EYA2: variants seen among roughly 807,000 people sequenced by gnomAD.
The protein encoded by EYA2 is protein phosphatase EYA2.
A neutral mutation model predicts 69.2 loss-of-function variants in EYA2; 31 were observed. The ratio of observed to expected loss-of-function variants is 0.45; its 90% CI spans 0.34 to 0.60. The LOEUF (loss-of-function observed/expected upper bound fraction) is 0.60. Ranked by LOEUF, EYA2 falls within the 20% of genes least tolerant of loss-of-function variation. The probability of loss-of-function intolerance (pLI) is 0.02; values close to 1 mark genes in which losing one functional copy is unlikely to be tolerated. For synonymous variants in EYA2, 257 were observed against 279.4 expected (o/e 0.92, Z 0.80); for missense variants, 622 against 701.2 (o/e 0.89, Z 1.28).
At chr20:46,943,124 C>T (rs551993673) in intron 1 of EYA2, among the ~76,000 whole-genome samples, 7 of 152,280 alleles carry the variant, frequency 4.6e-5, no homozygotes, top group African/African-American at 1.7e-4. Context: ...ACTCTGCCCC[C>T]GAGGGGACAT....
chr20:47,163,296 G>T (rs1171158326), intron 10 of EYA2, among the ~76,000 whole-genome samples: 1 of 152,138 alleles, frequency 6.6e-6, no homozygotes, highest in Non-Finnish European at 1.5e-5. Context: ...CTCCCAAAGT[G>T]CTGGGATTAC....
intron 3 of EYA2, 70 bp downstream of exon 3, chr20:47,001,543 G>T: frequency 6.7e-7 from 1 of 1,501,060 alleles, no homozygotes; most frequent in Non-Finnish European, 9.3e-7. Flanking sequence ...TAGAGGTTAA[G>T]AGAGAGGGCC....
At position 47,089,223 on chromosome 20, in the gene EYA2, C is replaced by T. The variant is rs764270918; in HGVS notation, c.662-16C>T. On this transcript the variant is annotated splice_polypyrimidine_tract_variant and intron_variant, in intron 7 of 15. Coordinates refer to ENST00000327619, the MANE Select transcript of EYA2 (RefSeq NM_005244.5). ...CAAAGCTTCTGATTTGTCCACCATT[C>T]CCTTTCTTACGCCAGGTGAATACAA... 1 of 1,612,574 alleles carries T rather than the reference C, an allele frequency of 6.2e-7. No homozygotes were observed. The highest frequency in any genetic ancestry group is 1.1e-5 in the South Asian group (1 of 90,916).
At chr20:47,126,552 T>A (rs1037288239) in intron 9 of EYA2, among the ~76,000 whole-genome samples, 1 of 152,142 alleles carries the variant, frequency 6.6e-6, no homozygotes, top group African/African-American at 2.4e-5. Flanking sequence ...CACCTCCCAC[T>A]CAGCTGGCGG....
chr20:47,015,617 T>C (rs1257623707), intron 4 of EYA2, among the ~76,000 whole-genome samples: 2 of 152,060 alleles, frequency 1.3e-5, no homozygotes, highest in Non-Finnish European at 2.9e-5. Context: ...CACGGTGGCA[T>C]GTACAAAATA....
intron 2 of EYA2, among the ~76,000 whole-genome samples, chr20:47,000,929 G>A (rs1344329262): frequency 1.3e-5 from 2 of 152,142 alleles, no homozygotes; most frequent in Non-Finnish European, 2.9e-5. Flanking sequence ...TAGAAGAAGG[G>A]AAATGGAGGT....
intron 9 of EYA2, among the ~76,000 whole-genome samples, chr20:47,103,739 A>G (rs530635731): frequency 1.4e-5 from 2 of 147,166 alleles, no homozygotes; most frequent in East Asian, 2.2e-4. Context: ...TTCCTCCACC[A>G]ACACAAGGGG....
rs913627503 is a variant in EYA2, at chr20:47,089,395, G to A, written c.804+14G>A. 2 of 1,607,388 alleles carry A rather than the reference G, an allele frequency of 1.2e-6. No individual in the cohort carries two copies. The highest frequency in any genetic ancestry group is 2.7e-5 in the African/African-American group (2 of 74,662). On this transcript the variant is annotated intron_variant, in intron 8 of 15. Coordinates refer to ENST00000327619, the MANE Select transcript of EYA2 (RefSeq NM_005244.5). ...AATGAGATTGAGGTAATCCAAAGGG[G>A]CTCTGTGTGACCTGGTGAATGTAAT...
At chr20:46,914,205 G>A (rs1290906547) in intron 1 of EYA2, among the ~76,000 whole-genome samples, 4 of 152,154 alleles carry the variant, frequency 2.6e-5, no homozygotes, top group Non-Finnish European at 5.9e-5. Flanking sequence ...ATTTTTCCCT[G>A]ACAAATTTGT....
chr20:47,134,455 T>C (rs1037083082), intron 9 of EYA2, among the ~76,000 whole-genome samples: 1 of 152,352 alleles, frequency 6.6e-6, no homozygotes. Context: ...CTAACATTTA[T>C]TCAGACCTTG....
chr20:47,025,677 AT>A (rs920596479), intron 5 of EYA2, among the ~76,000 whole-genome samples: 1 of 152,300 alleles, frequency 6.6e-6, no homozygotes, highest in African/African-American at 2.4e-5. Context: ...TGAAGGGCAA[AT>A]TTCCAAAAAG....
At chr20:46,920,293 C>T (rs748835966) in intron 1 of EYA2, among the ~76,000 whole-genome samples, 6 of 151,720 alleles carry the variant, frequency 4.0e-5, no homozygotes, top group Admixed American at 6.6e-5. Context: ...CGAGGTCTTC[C>T]TGTATTTGCT....
chr20:46,975,662 C>A (rs1336879749), intron 1 of EYA2, among the ~76,000 whole-genome samples: 1 of 152,198 alleles, frequency 6.6e-6, no homozygotes, highest in Non-Finnish European at 1.5e-5. Context: ...TGCCTGTAAT[C>A]CTAGCACTTT....
intron 7 of EYA2, among the ~76,000 whole-genome samples, chr20:47,078,149 A>G (rs1568763473): frequency 6.6e-6 from 1 of 152,050 alleles, no homozygotes; most frequent in Non-Finnish European, 1.5e-5. Context: ...TTATCCCTTG[A>G]TCAAAGGTTC....
chr20:46,988,724 CAG>C (rs1481655551), intron 1 of EYA2, among the ~76,000 whole-genome samples: 1 of 152,120 alleles, frequency 6.6e-6, no homozygotes, highest in Non-Finnish European at 1.5e-5. Context: ...TATTTTGAGA[CAG>C]GGTCTCACTC....
At chr20:46,953,485 C>T (rs1051925776) in intron 1 of EYA2, among the ~76,000 whole-genome samples, 2 of 152,154 alleles carry the variant, frequency 1.3e-5, no homozygotes, top group Non-Finnish European at 2.9e-5. Flanking sequence ...TAGAATGAGC[C>T]GGGTTGGAAG....
intron 4 of EYA2, among the ~76,000 whole-genome samples, chr20:47,014,602 AAGAT>A (rs1318091039): frequency 6.7e-6 from 1 of 149,682 alleles, no homozygotes; most frequent in African/African-American, 2.5e-5. Flanking sequence ...ATTTACCTAA[AAGAT>A]AGACTTGCAC....
chr20:47,112,862 C>CTTTTTTTTT (rs11473217), intron 9 of EYA2, among the ~76,000 whole-genome samples: 4,541 of 55,776 alleles, frequency 0.081, 1,193 homozygotes, highest in Non-Finnish European at 0.13. Context: ...ATGTTCACTC[C>CTTTTTTTTT]TTTTTTTTTT....
intron 1 of EYA2, among the ~76,000 whole-genome samples, chr20:46,943,180 C>T (rs1443712188): frequency 6.6e-6 from 1 of 152,184 alleles, no homozygotes; most frequent in Non-Finnish European, 1.5e-5. Flanking sequence ...AGAGGGGAGG[C>T]GTGCTGCGGG....
Sources: allele counts gnomAD v4.1 joint callset (sites outside exome capture counted in the v4.1 genomes callset), GRCh38; gene constraint gnomAD v4.1.1; transcripts MANE v1.5; gene names NCBI Gene and HGNC (gene_info 2026-07-23, HGNC 2026-07-21).